Variants in SIGLEC7 observed in about 807,000 individuals in gnomAD.
SIGLEC7 encodes sialic acid binding Ig like lectin 7, also known as sialic acid-binding Ig-like lectin 7.
SIGLEC7 carries 33 observed loss-of-function variants against 40.8 expected under a neutral mutation model. The observed-to-expected ratio is 0.81, with a 90% confidence interval of 0.61 to 1.08. The LOEUF is 1.08. SIGLEC7 is among the 50% of genes least tolerant of loss of function. The pLI, the probability that SIGLEC7 is intolerant of heterozygous loss-of-function variation, is 0.00. For synonymous variants in SIGLEC7, 242 were observed against 237.6 expected (o/e 1.02, Z -0.17); for missense variants, 513 against 576.1 (o/e 0.89, Z 1.12).
intron 2 of SIGLEC7, 53 bp from the exon 3 acceptor site, chr19:51,144,859 C>A: frequency 6.3e-7 from 1 of 1,599,042 alleles, no homozygotes; most frequent in Non-Finnish European, 8.6e-7. Flanking sequence ...GGAGACAGGG[C>A]CAGTGTCCCC....
chr19:51,143,803 G>C (rs1036454717), intron 1 of SIGLEC7: 7 of 360,040 alleles, frequency 1.9e-5, no homozygotes, highest in African/African-American at 1.5e-4. Flanking sequence ...GTCGGGGCTG[G>C]GCTGAGCCTC....
chr19:51,146,455 A>G (rs1599832475), intron 4 of SIGLEC7, among the ~76,000 whole-genome samples: 1 of 152,206 alleles, frequency 6.6e-6, no homozygotes, highest in African/African-American at 2.4e-5. Context: ...AAAATAAAAC[A>G]ACTCAGCAAG....
Position 51,142,374 on chromosome 19 carries a change from T to C in SIGLEC7, c.5T>C (p.Leu2Pro), listed in dbSNP as rs760958618. 1 of 1,612,690 alleles carries C rather than the reference T, an allele frequency of 6.2e-7. No homozygotes were observed. The highest frequency in any genetic ancestry group is 1.7e-5 in the Admixed American group (1 of 59,978). Residue 2 changes from leucine (L) to proline (P), a missense_variant, in exon 1 of 7, where the codon CTG (leucine) becomes CCG (proline). By Grantham distance (98) the Leu-to-Pro change is moderately conservative (BLOSUM62 -3). Transcript: ENST00000317643. The surrounding 1 kb of genome is among the most constrained non-coding windows in gnomAD (Gnocchi z 5.0). Reference sequence around the variant, plus strand: ...CTGGCACCTCCAACCCCAGATATGCTGCTGCTGCTGCTGCTGCCCCTGCTC... The same window carrying C: ...CTGGCACCTCCAACCCCAGATATGCCGCTGCTGCTGCTGCTGCCCCTGCTC... M[L>P]LLLLLPLLWG...
At chr19:51,146,149 G>A (rs2092107054) in intron 4 of SIGLEC7, 28 bp downstream of exon 4, 12 of 1,603,854 alleles carry the variant, frequency 7.5e-6, no homozygotes, top group Non-Finnish European at 1.0e-5. Flanking sequence ...TGGAGGAGGA[G>A]AACACACCTG....
rs143983881 is a variant in SIGLEC7, at chr19:51,146,740, C to T, written c.1028-14C>T. 132 of 1,610,896 alleles carry T rather than the reference C, an allele frequency of 8.2e-5. No homozygotes were observed. The highest frequency in any genetic ancestry group is 1.1e-4 in the Non-Finnish European group (126 of 1,177,932). ...TGGAGTTGGATCACCAAAACAATTC[C>T]AATCCATCCTCAGGCAAAATGAGGC... On this transcript the variant is annotated splice_polypyrimidine_tract_variant and intron_variant, in intron 4 of 6. Transcript: ENST00000317643.
rs904304724 is a variant in SIGLEC7, at chr19:51,142,526, G to A, written c.157G>A (p.Asp53Asn). The change falls in exon 1 of 7, where the codon GAC (aspartate) becomes AAC (asparagine). Residue 53 changes from aspartate to asparagine, a missense_variant. Coordinates refer to ENST00000317643, the MANE Select transcript of SIGLEC7 (RefSeq NM_014385.4). This position sits in a 1 kb window ranked among gnomAD's most constrained non-coding sequence, Gnocchi z 5.0. ...HVRCSFSYPV[D>N]SQTDSDPVHG... is the part of the protein sequence containing the mutation. Reference sequence around the variant, plus strand: ...GCGCTGCTCCTTCTCCTACCCAGTGGACAGCCAGACTGACTCTGACCCAGT... The same window carrying A: ...GCGCTGCTCCTTCTCCTACCCAGTGAACAGCCAGACTGACTCTGACCCAGT... 1.2e-6 allele frequency: 2 copies of A among 1,614,132 alleles called. No individual in the cohort carries two copies. The highest frequency in any genetic ancestry group is 8.5e-7 in the Non-Finnish European group (1 of 1,180,024).
Position 51,146,623 on chromosome 19 carries a change from C to G in SIGLEC7, c.1028-131C>G, listed in dbSNP as rs1308570160. ...CTCAGGAGTTGTCCCTTCCTCCTCC[C>G]TCCCATTCTTGCCCTTTGTTTCTGG... On this transcript the variant is annotated intron_variant, in intron 4 of 6. Transcript: ENST00000317643. The G allele has an allele frequency of 2.3e-5, 16 of 709,554 alleles. No individual in the cohort carries two copies. The Admixed American group carries it at 3.6e-4, about 16-fold the overall frequency. 44.0% of individuals were successfully genotyped at this position (709,554 alleles called of 1,614,324 possible). A position where few individuals can be genotyped will look rare whatever the true frequency, so the allele number is the denominator to read the frequency against.
chr19:51,144,273 GC>G, intron 1 of SIGLEC7, 132 bp from the exon 2 acceptor site: 1 of 1,466,422 alleles, frequency 6.8e-7, no homozygotes, highest in Non-Finnish European at 9.1e-7. Context: ...CTGGGATGGG[GC>G]CCCTGCCCTG....
rs1303755046 is a variant in SIGLEC7, at chr19:51,144,533, C to A, written c.561C>A (p.Thr187=). The A allele has an allele frequency of 1.2e-5, 19 of 1,613,714 alleles. No homozygotes were observed. The highest frequency in any genetic ancestry group is 1.6e-5 in the Non-Finnish European group (19 of 1,179,952). ...GTPPMISWMG[T]SVSPLHPSTT... ...CCCCTATGATCTCCTGGATGGGGAC[C>A]TCTGTGTCCCCCCTGCACCCCTCCA... Residue 187 remains threonine (T), a synonymous_variant, in exon 2 of 7, where the codon ACC becomes ACA. Transcript: ENST00000317643.
Position 51,145,717 on chromosome 19 carries a change from C to A in SIGLEC7, c.761-138C>A. The A allele has an allele frequency of 1.0e-6, 1 of 982,744 alleles. No individual in the cohort carries two copies. The highest frequency in any genetic ancestry group is 1.5e-6 in the Non-Finnish European group (1 of 659,836). The allele number at this position is 982,744 out of a possible 1,614,324, so 60.9% of individuals were successfully genotyped here. ...ATAAAGGTGGGCAAGTTTACATTCC[C>A]AACAGTGAGCGGTGAACATAAGTAT... On this transcript the variant is annotated intron_variant, in intron 3 of 6. Coordinates refer to ENST00000317643, the MANE Select transcript of SIGLEC7 (RefSeq NM_014385.4). This position sits in a 1 kb window ranked among gnomAD's most constrained non-coding sequence, Gnocchi z 4.3.
chr19:51,144,332 C>T, intron 1 of SIGLEC7, 74 bp from the exon 2 acceptor site: 4 of 1,522,374 alleles, frequency 2.6e-6, no homozygotes, highest in Non-Finnish European at 3.5e-6. Context: ...AGAAGCTGAA[C>T]CAGAGCCTGA....
At chr19:51,149,319 T>C (rs935748015) in intron 6 of SIGLEC7, among the ~76,000 whole-genome samples, 7 of 152,212 alleles carry the variant, frequency 4.6e-5, no homozygotes, top group African/African-American at 1.7e-4. Context: ...CCATCTCGAG[T>C]TGATTTTTAT....
chr19:51,146,726 C>A, intron 4 of SIGLEC7, 28 bp from the exon 5 acceptor site: 1 of 1,600,680 alleles, frequency 6.2e-7, no homozygotes, highest in Non-Finnish European at 8.6e-7. Context: ...GGAGTTGGAT[C>A]ACCAAAACAA....
At chr19:51,150,713 G>A (rs2092137719) in intron 6 of SIGLEC7, among the ~76,000 whole-genome samples, 1 of 152,184 alleles carries the variant, frequency 6.6e-6, no homozygotes, top group Non-Finnish European at 1.5e-5. Context: ...ACAGAAGGAG[G>A]CTCAGATCTG....
rs1041480106 is a variant in SIGLEC7 at position 51,144,341 on chromosome 19, G to A, written c.434-65G>A. On this transcript the variant is annotated intron_variant, in intron 1 of 6. Coordinates refer to ENST00000317643, the MANE Select transcript of SIGLEC7 (RefSeq NM_014385.4). ...CAGGGCAGAAGCTGAACCAGAGCCT[G>A]AGCTTCCCCCAGGGCTGTACCATGG... 5 of 1,525,054 alleles carry A rather than the reference G, an allele frequency of 3.3e-6. No homozygotes were observed. The African/African-American group carries it at 4.1e-5, about 13-fold the overall frequency. 94.5% of individuals were successfully genotyped at this position (1,525,054 alleles called of 1,614,324 possible). A position where few individuals can be genotyped will look rare whatever the true frequency, so the allele number is the denominator to read the frequency against.
chr19:51,151,256 A>G (rs1316206592), intron 6 of SIGLEC7, among the ~76,000 whole-genome samples: 1 of 152,222 alleles, frequency 6.6e-6, no homozygotes, highest in Non-Finnish European at 1.5e-5. Context: ...GGGAGCAAGA[A>G]TTACTTCCAG....
Position 51,152,924 on chromosome 19 carries a change from AG to A in SIGLEC7, c.1222-138del. ...GATTTCTATAAAATGAACGTGGGAT[AG>A]AGGCAGGAACTCATGAAGTTTAATT... On this transcript the variant is annotated intron_variant, in intron 6 of 6. Coordinates refer to ENST00000317643, the MANE Select transcript of SIGLEC7 (RefSeq NM_014385.4). 5.4e-6 allele frequency: 3 copies of A among 551,734 alleles called. No homozygotes were observed. In the South Asian group the frequency reaches 1.8e-4, roughly 33 times the overall value. 34.2% of individuals were successfully genotyped at this position (551,734 alleles called of 1,614,324 possible). A position where few individuals can be genotyped will look rare whatever the true frequency, so the allele number is the denominator to read the frequency against.
chr19:51,143,195 T>C (rs939359403), intron 1 of SIGLEC7, among the ~76,000 whole-genome samples: 11 of 151,920 alleles, frequency 7.2e-5, no homozygotes, highest in Non-Finnish European at 1.3e-4. Context: ...CACACATTGT[T>C]AAACGTCCTG....
intron 1 of SIGLEC7, among the ~76,000 whole-genome samples, chr19:51,143,530 G>T (rs773601934): frequency 6.6e-6 from 1 of 152,092 alleles, no homozygotes; most frequent in Non-Finnish European, 1.5e-5. Context: ...CTCCTCCCTG[G>T]GTGGGTCTCT....
Sources: allele counts gnomAD v4.1 joint callset (sites outside exome capture counted in the v4.1 genomes callset), GRCh38; gene constraint gnomAD v4.1.1; non-coding constraint Gnocchi (gnomAD v3.1); transcripts MANE v1.5; gene names NCBI Gene and HGNC (gene_info 2026-07-23, HGNC 2026-07-21).